The following MCF2 variants were observed in gnomAD, a reference collection of about 807,000 sequenced individuals.
MCF2 encodes the protein MCF.2 cell line derived transforming sequence.
A neutral mutation model predicts 82.5 loss-of-function variants in MCF2; 44 were observed. The ratio of observed to expected loss-of-function variants is 0.53; its 90% CI spans 0.42 to 0.69. MCF2 has a LOEUF of 0.69. MCF2 is among the 30% of genes least tolerant of loss of function. The pLI is 0.00. For synonymous variants in MCF2, 217 were observed against 224.9 expected, an observed-to-expected ratio of 0.96 and a Z score of 0.32; for missense variants, 623 against 663.1, an observed-to-expected ratio of 0.94 and a Z score of 0.66.
intron 1 of MCF2, among the ~76,000 whole-genome samples, chrX:139,673,443 G>C (rs1312847708): frequency 8.9e-6 from 1 of 111,828 alleles, no homozygotes; most frequent in Non-Finnish European, 1.9e-5. Flanking sequence ...GCTTTCTCTT[G>C]TGGGCATTTA....
At chrX:139,683,911 T>G (rs770374430) in intron 1 of MCF2, among the ~76,000 whole-genome samples, 3 of 112,384 alleles carry the variant, frequency 2.7e-5, no homozygotes, top group African/African-American at 6.4e-5. Flanking sequence ...ATTATGACCT[T>G]GGATTAGGCA....
chrX:139,585,871 C>A lies in MCF2; in HGVS notation c.2632+507G>T, dbSNP rs185685492. 2.6e-4 allele frequency among the ~76,000 whole-genome samples: 29 copies of A among 112,286 alleles called. No homozygotes were observed. In the East Asian group the frequency reaches 8.1e-3, roughly 31 times the overall value. Reference sequence around the variant, plus strand: ...TTGAATTAAATAAAGTATTTAAAATCACTTCAAATAAAACCATTCACAGAG... The same window carrying A: ...TTGAATTAAATAAAGTATTTAAAATAACTTCAAATAAAACCATTCACAGAG... On this transcript the variant is annotated intron_variant, in intron 23 of 24. Coordinates refer to ENST00000370576, the Ensembl canonical transcript of MCF2.
chrX:139,621,577 T>C (rs1932363390), intron 6 of MCF2, among the ~76,000 whole-genome samples: 1 of 111,558 alleles, frequency 9.0e-6, no homozygotes, highest in South Asian at 3.8e-4. Flanking sequence ...TAATGCCGCA[T>C]ATCTACAACC....
chrX:139,637,533 T>C (rs182453313), intron 1 of MCF2, among the ~76,000 whole-genome samples: 1 of 111,658 alleles, frequency 9.0e-6, no homozygotes, highest in Admixed American at 9.6e-5. Context: ...TATATTTATA[T>C]ATTCAGGACC....
At chrX:139,582,586 G>T (rs936051478) in intron 24 of MCF2, 83 bp from the exon 29 acceptor site, 144 of 683,796 alleles carry the variant, frequency 2.1e-4, no homozygotes, top group Non-Finnish European at 3.1e-4. Context: ...CCAGCTTCTT[G>T]TTTTGGCAGG....
rs914848210 is a variant in MCF2 at position 139,642,610 on chromosome X, C to T, written c.-92G>A. On this transcript the variant is annotated 5_prime_UTR_variant, in exon 1 of 25. Coordinates refer to ENST00000370576, the Ensembl canonical transcript of MCF2. ...CTTCTTGGGTAGTATTTAAAAACGG[C>T]AGCCAAAAATCTCTATCAAACAAAG... 1.5e-5 allele frequency: 18 copies of T among 1,200,567 alleles called. No individual in the cohort carries two copies. In the East Asian group the frequency reaches 5.4e-4, roughly 36 times the overall value.
chrX:139,697,881 T>C (rs1325286765), intron 1 of MCF2, among the ~76,000 whole-genome samples: 1 of 112,611 alleles, frequency 8.9e-6, no homozygotes, highest in Non-Finnish European at 1.9e-5. Flanking sequence ...GGCTCACGCC[T>C]GTAATCCCAG....
intron 1 of MCF2, among the ~76,000 whole-genome samples, chrX:139,679,705 TA>T (rs1934954838): frequency 9.1e-6 from 1 of 110,485 alleles, no homozygotes; most frequent in African/African-American, 3.3e-5. Flanking sequence ...GATCATGTAT[TA>T]AAAAAATGAA....
upstream of MCF2, among the ~76,000 whole-genome samples, chrX:139,644,654 A>G (rs1315463100): frequency 1.8e-5 from 2 of 112,618 alleles, no homozygotes; most frequent in Admixed American, 9.4e-5. Context: ...TTGGCTTGGA[A>G]GTCCAACAAC....
At chrX:139,611,244 C>T (rs1335041402) in intron 10 of MCF2, among the ~76,000 whole-genome samples, 1 of 111,767 alleles carries the variant, frequency 8.9e-6, no homozygotes, top group Non-Finnish European at 1.9e-5. Flanking sequence ...GACAGGCACA[C>T]TCAGGAAAAC....
At chrX:139,624,902 T>C (rs1450398998) in intron 6 of MCF2, among the ~76,000 whole-genome samples, 1 of 111,054 alleles carries the variant, frequency 9.0e-6, no homozygotes, top group Non-Finnish European at 1.9e-5. Flanking sequence ...AATATATTAT[T>C]TGTCAGATCA....
At chrX:139,585,221 A>C in intron 23 of MCF2, 43 bp from the exon 28 acceptor site, 1 of 813,063 alleles carries the variant, frequency 1.2e-6, no homozygotes, top group Non-Finnish European at 1.8e-6. Flanking sequence ...TCATGGTGCT[A>C]ATTTACCACA....
chrX:139,649,512 A>G (rs1016735231), intron 2 of MCF2, among the ~76,000 whole-genome samples: 1 of 111,902 alleles, frequency 8.9e-6, no homozygotes. Flanking sequence ...TAAGGACAGA[A>G]CCATCTAGCA....
At chrX:139,642,663 T>C (rs1235713639) in exon 1 of MCF2, 59 of 1,128,850 alleles carry the variant, frequency 5.2e-5, no homozygotes, top group Middle Eastern at 2.8e-4. Context: ...ATTAGCACAG[T>C]GGCAGCAATG....
intron 16 of MCF2, among the ~76,000 whole-genome samples, chrX:139,601,052 AAC>A (rs1350801284): frequency 3.6e-5 from 4 of 111,735 alleles, no homozygotes; most frequent in African/African-American, 1.3e-4. Context: ...CAAAATTAAA[AAC>A]ACAATGGCAG....
chrX:139,653,775 C>A (rs1934107096), intron 1 of MCF2, among the ~76,000 whole-genome samples: 1 of 110,871 alleles, frequency 9.0e-6, no homozygotes, highest in African/African-American at 3.3e-5. Context: ...TATTTACATT[C>A]TTTTTTCCCC....
intron 2 of MCF2, among the ~76,000 whole-genome samples, chrX:139,650,570 C>G (rs955544354): frequency 1.8e-5 from 2 of 111,680 alleles, no homozygotes; most frequent in Admixed American, 9.6e-5. Flanking sequence ...AGTAAGTTTT[C>G]TTTATCTGTT....
chrX:139,652,983 T>A (rs1934080003), intron 1 of MCF2, among the ~76,000 whole-genome samples: 1 of 112,134 alleles, frequency 8.9e-6, no homozygotes, highest in African/African-American at 3.2e-5. Flanking sequence ...TTTTAATTGA[T>A]GTTTATTTTC....
chrX:139,627,491 T>C (rs1211538793), intron 4 of MCF2, among the ~76,000 whole-genome samples: 1 of 111,675 alleles, frequency 9.0e-6, no homozygotes, highest in Non-Finnish European at 1.9e-5. Context: ...GGTGTAACAA[T>C]ATAGACCTTT....
Sources: gnomAD v4.1 joint callset for allele counts (sites outside exome capture counted in the v4.1 genomes callset) on GRCh38, gnomAD v4.1.1 for gene constraint, MANE v1.5 for transcripts, NCBI Gene and HGNC (gene_info 2026-07-23, HGNC 2026-07-21) for gene names.